TERT: variants seen among roughly 807,000 people sequenced by gnomAD.
TERT encodes telomerase catalytic subunit.
Under a neutral mutation model 104.0 loss-of-function variants are expected in TERT, and 42 were observed. That is an observed-to-expected ratio of 0.40 (90% CI 0.32 to 0.52). TERT has a LOEUF of 0.52. Among genes scored for constraint, TERT ranks in the 20% least tolerant of loss-of-function variants. The pLI is 0.43. For missense variants in TERT, 1,101 were observed against 1,610.3 expected (o/e 0.68, Z 5.41); for synonymous variants, 781 against 725.6 (o/e 1.08, Z -1.23).
chr5:1,270,675 G>A lies in TERT; in HGVS notation c.2468+444C>T, dbSNP rs369755924. ...CAGAGAGAAGAGCCCGCGCCCTCGC[G>A]GGGGTCACACGACAGGGACAGGAAT... is the stretch of plus-strand genomic sequence containing the variant. On this transcript the variant is annotated intron_variant, in intron 8 of 15. Transcript: ENST00000310581. The surrounding 1 kb of genome is among the most constrained non-coding windows in gnomAD (Gnocchi z 8.3). 2.0e-4 allele frequency among the ~76,000 whole-genome samples: 31 copies of A among 152,216 alleles called. No homozygotes were observed. The highest frequency in any genetic ancestry group is 3.4e-4 in the Non-Finnish European group (23 of 68,018).
chr5:1,292,186 C>A lies in TERT; in HGVS notation c.1573+1127G>T, dbSNP rs188339739. Among the ~76,000 whole-genome samples, 1 of 152,164 alleles carries A rather than the reference C, an allele frequency of 6.6e-6. No homozygotes were observed. The highest frequency in any genetic ancestry group is 1.9e-4 in the East Asian group (1 of 5,202). ...CCTCCTTGTCTGCATGGCCGGAAGT[C>A]TTACATGTCTTGGGAGTTTGTGGGG... is the stretch of plus-strand genomic sequence containing the variant. On this transcript the variant is annotated intron_variant, in intron 2 of 15. Coordinates refer to ENST00000310581, the MANE Select transcript of TERT (RefSeq NM_198253.3). This position sits in a 1 kb window ranked among gnomAD's most constrained non-coding sequence, Gnocchi z 5.5.
chr5:1,294,895 C>A lies in TERT; in HGVS notation c.95G>T (p.Gly32Val). ...LPLATFVRRL[G>V]PQGWRLVQRG... is the part of the protein sequence containing the mutation. ...CTGCACCAGCCGCCAGCCCTGGGGC[C>A]CCAGGCGCCGCACGAACGTGGCCAG... The change falls in exon 1 of 16, where the codon GGG (glycine) becomes GTG (valine). Residue 32 changes from glycine to valine, a missense_variant. By Grantham distance (109) the Gly-to-Val change is moderately radical. This residue lies in a region of TERT where 87 missense variants were observed against 145.4 expected (regional missense o/e 0.60). Coordinates refer to ENST00000310581, the MANE Select transcript of TERT (RefSeq NM_198253.3). 2 of 1,434,898 alleles carry A rather than the reference C, an allele frequency of 1.4e-6. No individual in the cohort carries two copies. Among genetic ancestry groups the A allele is most frequent in the South Asian group, 1.4e-5 (1 of 70,878 alleles). 88.9% of individuals were successfully genotyped at this position (1,434,898 alleles called of 1,614,324 possible).
In TERT at chr5:1,272,167, G is replaced by T. The variant is rs776965040; in HGVS notation, c.2382+18C>A. The T allele has an allele frequency of 1.3e-6, 2 of 1,595,060 alleles. No individual in the cohort carries two copies. The highest frequency in any genetic ancestry group is 2.3e-5 in the South Asian group (2 of 87,992). On this transcript the variant is annotated intron_variant, in intron 7 of 15. Coordinates refer to ENST00000310581, the MANE Select transcript of TERT (RefSeq NM_198253.3). ...CTGCTGGGAGTCCGTGCCCAACCCT[G>T]CAGGGCAGTGCCCAGACCTGCTCGA... is the stretch of plus-strand genomic sequence containing the variant.
At position 1,263,374 on chromosome 5, in the gene TERT, A is replaced by T. The variant is rs941600931; in HGVS notation, c.2843+1030T>A. ...TTATCGAAGGACAGAATAAAAAAAC[A>T]CCTGTCCACTATGGTTTTGGAATGC... On this transcript the variant is annotated intron_variant, in intron 11 of 15. Transcript: ENST00000310581. This position sits in a 1 kb window ranked among gnomAD's most constrained non-coding sequence, Gnocchi z 5.3. Among the ~76,000 whole-genome samples the T allele has an allele frequency of 1.3e-5, 2 of 150,566 alleles. No homozygotes were observed. Among genetic ancestry groups the T allele is most frequent in the African/African-American group, 2.4e-5 (1 of 40,924 alleles).
In TERT at chr5:1,261,632, G is replaced by A. The variant is rs533921045; in HGVS notation, c.2844-1032C>T. 2.0e-4 allele frequency among the ~76,000 whole-genome samples: 31 copies of A among 152,352 alleles called. 1 individual carries two copies. In the South Asian group the frequency reaches 6.4e-3, roughly 32 times the overall value. On this transcript the variant is annotated intron_variant, in intron 11 of 15. Transcript: ENST00000310581. The surrounding 1 kb of genome is among the most constrained non-coding windows in gnomAD (Gnocchi z 7.4). Reference sequence around the variant, plus strand: ...CAGTTTCACGTGCGTTTCTTTGAGGGATGGGTCTCGCTGTCAGTTTCACAT... The same window carrying A: ...CAGTTTCACGTGCGTTTCTTTGAGGAATGGGTCTCGCTGTCAGTTTCACAT...
intron 2 of TERT, among the ~76,000 whole-genome samples, chr5:1,291,164 TG>T (rs1383059640): frequency 7.5e-6 from 1 of 132,978 alleles, no homozygotes; most frequent in Non-Finnish European, 1.6e-5. Context: ...ACCCTATACC[TG>T]GGAGGGACAC....
chr5:1,278,588 T>G, intron 6 of TERT, 53 bp downstream of exon 6: 1 of 1,612,494 alleles, frequency 6.2e-7, no homozygotes. Flanking sequence ...TCTAGACACA[T>G]TCATATCCCA....
chr5:1,261,869 C>T lies in TERT; in HGVS notation c.2844-1269G>A, dbSNP rs550668916. 5.9e-5 allele frequency among the ~76,000 whole-genome samples: 9 copies of T among 152,302 alleles called. No homozygotes were observed. The South Asian group carries it at 8.3e-4, about 14-fold the overall frequency. ...CCTTTGCCAGCTGGGTGACCAAGGG[C>T]GGCTGCTCCCCTGGAGCCTTTCCTC... is the stretch of plus-strand genomic sequence containing the variant. On this transcript the variant is annotated intron_variant, in intron 11 of 15. Transcript: ENST00000310581. This position sits in a 1 kb window ranked among gnomAD's most constrained non-coding sequence, Gnocchi z 7.4.
At chr5:1,282,316 G>T in intron 3 of TERT, 113 bp downstream of exon 3, 5 of 1,200,848 alleles carry the variant, frequency 4.2e-6, no homozygotes, top group South Asian at 1.2e-5. Context: ...CTGGCTCCCA[G>T]CCCAGAGCTG....
At chr5:1,259,848 G>A (rs149308574) in intron 12 of TERT, among the ~76,000 whole-genome samples, 4,593 of 141,444 alleles carry the variant, frequency 0.032, 270 homozygotes, top group African/African-American at 0.12. Context: ...GCCCACAGGA[G>A]GGGGGAGTGG....
At chr5:1,275,096 C>T (rs139988474) in intron 6 of TERT, among the ~76,000 whole-genome samples, 671 of 152,282 alleles carry the variant, frequency 4.4e-3, no homozygotes, top group Non-Finnish European at 7.5e-3. Flanking sequence ...GAGTCTCGGC[C>T]GGGCGCGGCG....
Position 1,257,662 on chromosome 5 carries a change from C to T in TERT, c.3032+936G>A, listed in dbSNP as rs1019801221. On this transcript the variant is annotated intron_variant, in intron 13 of 15. Transcript: ENST00000310581. This position sits in a 1 kb window ranked among gnomAD's most constrained non-coding sequence, Gnocchi z 5.6. ...TGCCCTCCCTGCCAGAGCATGAAGG[C>T]GCAAGCACTCGGGTTAAAAACCATT... Among the ~76,000 whole-genome samples the T allele has an allele frequency of 3.9e-5, 6 of 152,180 alleles. No homozygotes were observed. The highest frequency in any genetic ancestry group is 1.9e-4 in the East Asian group (1 of 5,186).
rs772437394 is a variant in TERT at position 1,287,007 on chromosome 5, C to T, written c.1574-4383G>A. ...CACACTCGGCAGGAAACGCACATGGCAACCCAAGAGGTGGTGAGAAACAAG... is the reference window on the plus strand; with the variant it reads ...CACACTCGGCAGGAAACGCACATGGTAACCCAAGAGGTGGTGAGAAACAAG... On this transcript the variant is annotated intron_variant, in intron 2 of 15. Coordinates refer to ENST00000310581, the MANE Select transcript of TERT (RefSeq NM_198253.3). The surrounding 1 kb of genome is among the most constrained non-coding windows in gnomAD (Gnocchi z 4.3). 3.3e-5 allele frequency among the ~76,000 whole-genome samples: 5 copies of T among 152,110 alleles called. No individual in the cohort carries two copies. Among genetic ancestry groups the T allele is most frequent in the Non-Finnish European group, 7.4e-5 (5 of 68,026 alleles).
Position 1,264,555 on chromosome 5 carries a change from C to T in TERT, c.2692G>A (p.Val898Met). The T allele has an allele frequency of 6.2e-7, 1 of 1,614,030 alleles. No individual in the cohort carries two copies. Among genetic ancestry groups the T allele is most frequent in the Non-Finnish European group, 8.5e-7 (1 of 1,180,048 alleles). The change falls in exon 11 of 16, where the codon GTG becomes ATG. Residue 898 changes from valine to methionine, a missense_variant. Val to Met is a conservative substitution (Grantham distance 21). This residue lies in a region of TERT where 463 missense variants were observed against 797.5 expected (regional missense o/e 0.58). Coordinates refer to ENST00000310581, the MANE Select transcript of TERT (RefSeq NM_198253.3). ...TTCACCACTGTCTTCCGCAAGTTCA[C>T]CACGCAGCCATACTCAGGGACACCT... ...VRGVPEYGCV[V>M]NLRKTVVNFP...
At chr5:1,266,576 T>C in intron 9 of TERT, 41 bp from the exon 10 acceptor site, 1 of 1,487,468 alleles carries the variant, frequency 6.7e-7, no homozygotes, top group Non-Finnish European at 9.3e-7. Flanking sequence ...AACTTTACAC[T>C]TTTTACGTAG....
rs577154099 is a variant in TERT, at chr5:1,268,903, A to G, written c.2469-270T>C. Among the ~76,000 whole-genome samples the G allele has an allele frequency of 1.3e-5, 2 of 152,196 alleles. No homozygotes were observed. Among genetic ancestry groups the G allele is most frequent in the East Asian group, 3.9e-4 (2 of 5,180 alleles). ...TGAATCATCAAGGTTTTCTTTCATTAAGGTTTCTTAAATCTTAGAGTTTAT... is the reference window on the plus strand; with the variant it reads ...TGAATCATCAAGGTTTTCTTTCATTGAGGTTTCTTAAATCTTAGAGTTTAT... On this transcript the variant is annotated intron_variant, in intron 8 of 15. Transcript: ENST00000310581. The surrounding 1 kb of genome is among the most constrained non-coding windows in gnomAD (Gnocchi z 5.5).
rs1424730820 is a variant in TERT at position 1,258,670 on chromosome 5, C to T, written c.2971-11G>A. 1 of 1,562,444 alleles carries T rather than the reference C, an allele frequency of 6.4e-7. No homozygotes were observed. The highest frequency in any genetic ancestry group is 2.4e-5 in the East Asian group (1 of 42,476). On this transcript the variant is annotated splice_polypyrimidine_tract_variant and intron_variant, in intron 12 of 15. Coordinates refer to ENST00000310581, the MANE Select transcript of TERT (RefSeq NM_198253.3). ...CTGGAGGCTGTTCACCTAGAGTCGC[C>T]AAGAAAGAGTGAGAAACGGTAGAAA...
Position 1,293,710 on chromosome 5 carries a change from C to T in TERT, c.1176G>A (p.Leu392=). 1.3e-6 allele frequency: 2 copies of T among 1,573,544 alleles called. No homozygotes were observed. The highest frequency in any genetic ancestry group is 1.7e-6 in the Non-Finnish European group (2 of 1,160,018). ...LPQRYWQMRP[L]FLELLGNHAQ... is the part of the protein sequence containing the mutation. ...CGTGGTTCCCAAGCAGCTCCAGAAA[C>T]AGGGGCCGCATTTGCCAGTAGCGCT... The change falls in exon 2 of 16, where the codon CTG becomes CTA. Residue 392 remains leucine, a synonymous_variant. Transcript: ENST00000310581.
chr5:1,266,454 C>T lies in TERT; in HGVS notation c.2654+10G>A, dbSNP rs375473823. The T allele has an allele frequency of 6.5e-5, 104 of 1,603,624 alleles. No individual in the cohort carries two copies. Among genetic ancestry groups the T allele is most frequent in the Admixed American group, 1.9e-4 (11 of 59,076 alleles). On this transcript the variant is annotated intron_variant, in intron 10 of 15. Transcript: ENST00000310581. ...TGGAGGTCCCCACAGACACACGGCA[C>T]GGGCCTCACCTGAGGAAGGTTTTCG... is the stretch of plus-strand genomic sequence containing the variant.
Sources: gnomAD v4.1 joint callset for allele counts (sites outside exome capture counted in the v4.1 genomes callset) on GRCh38, gnomAD v4.1.1 for gene constraint, gnomAD v4.1.1 regional missense constraint, Gnocchi (gnomAD v3.1) non-coding constraint, MANE v1.5 for transcripts, NCBI Gene and HGNC (gene_info 2026-07-23, HGNC 2026-07-21) for gene names.